XIRP2: variants seen among roughly 807,000 people sequenced by gnomAD.
XIRP2 encodes the protein xin actin binding repeat containing 2.
A neutral mutation model predicts 277.0 loss-of-function variants in XIRP2; 236 were observed. That is an observed-to-expected ratio of 0.85 (90% CI 0.77 to 0.95). The LOEUF (loss-of-function observed/expected upper bound fraction) is 0.95. XIRP2 is among the 40% of genes least tolerant of loss of function. The pLI is 0.00. For synonymous variants in XIRP2, 1,490 were observed against 1,416.5 expected (o/e 1.05, Z -1.17); for missense variants, 4,640 against 4,157.5 (o/e 1.12, Z -3.19).
chr2:167,023,764 G>A (rs1046106458), intron 2 of XIRP2, among the ~76,000 whole-genome samples: 30 of 152,204 alleles, frequency 2.0e-4, no homozygotes, highest in African/African-American at 6.7e-4. Context: ...TCAGATGGTT[G>A]TAGATATGCG....
At position 167,259,101 on chromosome 2, in the gene XIRP2, AC is replaced by A. The variant is rs1695762658; in HGVS notation, c.*1285del. ...ACTGCATTTTCCAAGAAAAATGAGA[AC>A]ATTTTCAATTGTGATTTAATAGATT... On this transcript the variant is annotated 3_prime_UTR_variant, in exon 11 of 11. Transcript: ENST00000409195. 1.2e-6 allele frequency: 2 copies of A among 1,611,670 alleles called. No individual in the cohort carries two copies. The highest frequency in any genetic ancestry group is 2.7e-5 in the African/African-American group (2 of 74,952).
chr2:166,969,955 A>T (rs983964593), intron 2 of XIRP2, among the ~76,000 whole-genome samples: 5 of 151,976 alleles, frequency 3.3e-5, no homozygotes, highest in Non-Finnish European at 5.9e-5. Flanking sequence ...AAAAATCTGT[A>T]GCTCAGTTTC....
intron 2 of XIRP2, among the ~76,000 whole-genome samples, chr2:166,906,349 C>T (rs1254449809): frequency 1.3e-5 from 2 of 151,760 alleles, no homozygotes; most frequent in African/African-American, 4.8e-5. Flanking sequence ...CATCTATTTA[C>T]AAGTAAATAG....
intron 2 of XIRP2, among the ~76,000 whole-genome samples, chr2:166,916,774 A>G (rs1237530600): frequency 1.3e-5 from 2 of 152,180 alleles, no homozygotes; most frequent in African/African-American, 2.4e-5. Context: ...TTTGATGACA[A>G]AAGTTCAGCT....
In XIRP2 at chr2:167,236,221, CAAT is replaced by C. The variant is rs1423147332; in HGVS notation, c.859-3629_859-3627del. Among the ~76,000 whole-genome samples, 4 of 151,796 alleles carry C rather than the reference CAAT, an allele frequency of 2.6e-5. No homozygotes were observed. In the East Asian group the frequency reaches 7.8e-4, roughly 29 times the overall value. On this transcript the variant is annotated intron_variant, in intron 5 of 10. Coordinates refer to ENST00000409195, the MANE Select transcript of XIRP2 (RefSeq NM_152381.6). ...CTATTGGATATACTTCCAAGAGTCA[CAAT>C]AATAGTGAGTCGCCATAAAAAAAAA...
chr2:166,995,934 C>T (rs1403612418), intron 2 of XIRP2, among the ~76,000 whole-genome samples: 1 of 152,128 alleles, frequency 6.6e-6, no homozygotes, highest in East Asian at 1.9e-4. Context: ...TTGAATCATC[C>T]TTTACTTTTC....
At chr2:166,929,560 G>A (rs886643061) in intron 2 of XIRP2, among the ~76,000 whole-genome samples, 7 of 151,948 alleles carry the variant, frequency 4.6e-5, no homozygotes, top group African/African-American at 1.7e-4. Context: ...AGTAGTTATC[G>A]GACTATAGTG....
chr2:166,967,185 A>G (rs1186654645), intron 2 of XIRP2, among the ~76,000 whole-genome samples: 1 of 151,922 alleles, frequency 6.6e-6, no homozygotes, highest in Non-Finnish European at 1.5e-5. Context: ...AGAAAACACT[A>G]CAAATAAATA....
rs191096778 is a variant in XIRP2 at position 167,021,690 on chromosome 2, C to T, written c.409-114219C>T. ...AAAATAAAAAATTAGGCCAGTGTGA[C>T]GGGGCACACCTGTAGTCCCAGCTAC... On this transcript the variant is annotated intron_variant, in intron 2 of 10. Transcript: ENST00000409195. Among the ~76,000 whole-genome samples, 152 of 151,868 alleles carry T rather than the reference C, an allele frequency of 1.0e-3. 1 individual carries two copies. Among genetic ancestry groups the T allele is most frequent in the African/African-American group, 3.2e-3 (134 of 41,450 alleles).
chr2:167,066,974 A>G (rs1376423054), intron 2 of XIRP2, among the ~76,000 whole-genome samples: 1 of 151,836 alleles, frequency 6.6e-6, no homozygotes, highest in African/African-American at 2.4e-5. Context: ...TTTTTTCTTT[A>G]TTGCTGGTCT....
chr2:166,943,496 C>A (rs1249353936), intron 2 of XIRP2, among the ~76,000 whole-genome samples: 1 of 152,194 alleles, frequency 6.6e-6, no homozygotes, highest in South Asian at 2.1e-4. Flanking sequence ...TTTTGTTCAT[C>A]ATATCACCAC....
At chr2:166,972,056 G>A (rs1686591716) in intron 2 of XIRP2, among the ~76,000 whole-genome samples, 1 of 152,128 alleles carries the variant, frequency 6.6e-6, no homozygotes, top group Non-Finnish European at 1.5e-5. Context: ...ACCATTCGGA[G>A]GTGATTAGAT....
At chr2:166,997,916 A>G (rs1374616092) in intron 2 of XIRP2, among the ~76,000 whole-genome samples, 5 of 152,024 alleles carry the variant, frequency 3.3e-5, no homozygotes, top group Admixed American at 6.6e-5. Flanking sequence ...AAAAAAAAAA[A>G]AAGAAGAAGA....
intron 2 of XIRP2, among the ~76,000 whole-genome samples, chr2:167,024,191 A>T (rs1688079405): frequency 6.6e-6 from 1 of 152,148 alleles, no homozygotes; most frequent in Admixed American, 6.5e-5. Context: ...TTGGATTCCT[A>T]GGTATTTTAT....
At chr2:167,066,696 A>G (rs948380145) in intron 2 of XIRP2, among the ~76,000 whole-genome samples, 3 of 152,136 alleles carry the variant, frequency 2.0e-5, no homozygotes, top group Non-Finnish European at 4.4e-5. Flanking sequence ...TGTTTATTGC[A>G]TCACTATTCA....
At chr2:167,002,750 A>G (rs569126048) in intron 2 of XIRP2, among the ~76,000 whole-genome samples, 4 of 152,106 alleles carry the variant, frequency 2.6e-5, no homozygotes, top group South Asian at 2.1e-4. Context: ...TGTCTTAAAC[A>G]TAGTAATTTT....
intron 1 of XIRP2, among the ~76,000 whole-genome samples, chr2:166,896,503 A>AT (rs1184042753): frequency 1.3e-5 from 2 of 151,804 alleles, no homozygotes; most frequent in Non-Finnish European, 2.9e-5. Flanking sequence ...TAAAAAAAAA[A>AT]GAAAAAGTTT....
intron 2 of XIRP2, among the ~76,000 whole-genome samples, chr2:167,012,005 G>C (rs1342398085): frequency 6.6e-6 from 1 of 151,696 alleles, no homozygotes; most frequent in Non-Finnish European, 1.5e-5. Flanking sequence ...CAATTTTGTT[G>C]ATCTTTTCAA....
At chr2:166,921,214 C>T (rs972529720) in intron 2 of XIRP2, among the ~76,000 whole-genome samples, 1 of 152,070 alleles carries the variant, frequency 6.6e-6, no homozygotes, top group Non-Finnish European at 1.5e-5. Flanking sequence ...TGCTTCAACT[C>T]ACTTGAGTAT....
Sources: gnomAD v4.1 joint callset for allele counts (sites outside exome capture counted in the v4.1 genomes callset) on GRCh38, gnomAD v4.1.1 for gene constraint, MANE v1.5 for transcripts, NCBI Gene and HGNC (gene_info 2026-07-23, HGNC 2026-07-21) for gene names.